The following PCDH15 variants were observed in gnomAD, a reference collection of about 807,000 sequenced individuals.
The protein encoded by PCDH15 is protocadherin related 15.
In PCDH15, 129 loss-of-function variants were observed where a neutral mutation model predicts 178.5. The ratio of observed to expected loss-of-function variants is 0.72; its 90% confidence interval spans 0.63 to 0.84. PCDH15 has a LOEUF of 0.84. PCDH15 is among the 40% of genes least tolerant of loss of function. The pLI is 0.00. For synonymous variants in PCDH15, 800 were observed against 732.0 expected, an observed-to-expected ratio of 1.09 and a Z score of -1.50; for missense variants, 2,230 against 2,099.9, an observed-to-expected ratio of 1.06 and a Z score of -1.21.
intron 2 of PCDH15, among the ~76,000 whole-genome samples, chr10:55,370,254 C>T (rs1845472772): frequency 1.3e-5 from 2 of 151,934 alleles, no homozygotes; most frequent in South Asian, 2.1e-4. Flanking sequence ...TGCACACTGG[C>T]AAAGAAAAAA....
At chr10:55,459,803 T>C (rs1257243232) in intron 2 of PCDH15, among the ~76,000 whole-genome samples, 1 of 152,080 alleles carries the variant, frequency 6.6e-6, no homozygotes, top group Admixed American at 6.6e-5. Context: ...CCTTAGCAGG[T>C]AGAAGGCCAT....
intron 2 of PCDH15, among the ~76,000 whole-genome samples, chr10:55,418,718 A>C (rs1387684311): frequency 6.6e-6 from 1 of 151,864 alleles, no homozygotes; most frequent in Non-Finnish European, 1.5e-5. Context: ...CAATATAAGA[A>C]TTTAATATTA....
chr10:54,521,234 AT>A (rs1233805137), intron 3 of PCDH15, among the ~76,000 whole-genome samples: 1 of 152,090 alleles, frequency 6.6e-6, no homozygotes, highest in Admixed American at 6.6e-5. Context: ...AAAATAGAAA[AT>A]TAATCACTTA....
chr10:54,333,454 A>T (rs564816740), intron 6 of PCDH15, among the ~76,000 whole-genome samples: 2 of 152,146 alleles, frequency 1.3e-5, no homozygotes, highest in South Asian at 4.1e-4. Context: ...TATCTTTGGT[A>T]TCTTTATGAT....
chr10:54,398,459 T>C (rs1270801833), intron 3 of PCDH15, among the ~76,000 whole-genome samples: 1 of 151,958 alleles, frequency 6.6e-6, no homozygotes, highest in East Asian at 1.9e-4. Flanking sequence ...TATAACAAAA[T>C]TGTCCTAACA....
intron 1 of PCDH15, among the ~76,000 whole-genome samples, chr10:55,284,396 G>A (rs188698316): frequency 1.2e-3 from 178 of 152,058 alleles, no homozygotes; most frequent in Middle Eastern, 3.4e-3. Flanking sequence ...ATTCCCCAGT[G>A]TTTTCACAGG....
intron 2 of PCDH15, among the ~76,000 whole-genome samples, chr10:54,589,767 T>C (rs1174832184): frequency 6.6e-6 from 1 of 152,030 alleles, no homozygotes; most frequent in African/African-American, 2.4e-5. Context: ...CCGGCTAATT[T>C]TTCTATTTTT....
At position 54,974,369 on chromosome 10, in the gene PCDH15, A is replaced by C. The variant is rs535858656; in HGVS notation, c.-79-76869T>G. On this transcript the variant is annotated intron_variant, in intron 2 of 5. Coordinates refer to the PCDH15 transcript ENST00000458638. Reference sequence around the variant, plus strand: ...ATATACATGATATATGTATGCATATAATTTAGCATACTATGCTTCACTAAG... The same window carrying C: ...ATATACATGATATATGTATGCATATCATTTAGCATACTATGCTTCACTAAG... 7.9e-5 allele frequency among the ~76,000 whole-genome samples: 12 copies of C among 152,102 alleles called. No homozygotes were observed. In the East Asian group the frequency reaches 2.1e-3, roughly 27 times the overall value.
At chr10:55,078,538 G>T (rs1841965657) in intron 2 of PCDH15, among the ~76,000 whole-genome samples, 1 of 151,720 alleles carries the variant, frequency 6.6e-6, no homozygotes, top group Admixed American at 6.6e-5. Context: ...TTGACTGACT[G>T]GGTTATTTCA....
intron 2 of PCDH15, among the ~76,000 whole-genome samples, chr10:55,478,094 A>G (rs1346548279): frequency 2.0e-5 from 3 of 151,882 alleles, no homozygotes; most frequent in Admixed American, 2.0e-4. Flanking sequence ...GGAAAAGACC[A>G]CAGGTCAATA....
At chr10:54,083,660 C>A (rs1467467788) in intron 16 of PCDH15, among the ~76,000 whole-genome samples, 1 of 152,084 alleles carries the variant, frequency 6.6e-6, no homozygotes, top group Admixed American at 6.6e-5. Context: ...TAAATGGGTT[C>A]AGGTTTCTAT....
chr10:54,948,376 C>A (rs1259099121), intron 2 of PCDH15, among the ~76,000 whole-genome samples: 3 of 151,870 alleles, frequency 2.0e-5, no homozygotes, highest in Admixed American at 1.3e-4. Context: ...TGGATGAGGC[C>A]CACCCACATT....
intron 1 of PCDH15, among the ~76,000 whole-genome samples, chr10:54,744,905 C>T (rs1748923113): frequency 6.6e-6 from 1 of 152,008 alleles, no homozygotes; most frequent in African/African-American, 2.4e-5. Context: ...TCAGCAAAAA[C>T]ATTTTATCTT....
At chr10:55,091,346 A>ATTCTATAG (rs1172543131) in intron 2 of PCDH15, among the ~76,000 whole-genome samples, 3 of 151,970 alleles carry the variant, frequency 2.0e-5, no homozygotes, top group Non-Finnish European at 2.9e-5. Context: ...GAACTATGGC[A>ATTCTATAG]AGTTTTGCAT....
intron 2 of PCDH15, among the ~76,000 whole-genome samples, chr10:55,352,137 T>C (rs1255973834): frequency 6.6e-6 from 1 of 152,164 alleles, no homozygotes; most frequent in Non-Finnish European, 1.5e-5. Flanking sequence ...GTTTTTGCAT[T>C]GTTGAAATTT....
At chr10:55,548,210 GCACA>G (rs200097115) in intron 2 of PCDH15, among the ~76,000 whole-genome samples, 37,075 of 120,390 alleles carry the variant, frequency 0.31, 4,675 homozygotes, top group East Asian at 0.49. Context: ...AATGCCTAAT[GCACA>G]CACACACACA....
At chr10:54,584,522 C>T (rs909370755) in intron 2 of PCDH15, among the ~76,000 whole-genome samples, 2 of 151,884 alleles carry the variant, frequency 1.3e-5, no homozygotes, top group African/African-American at 4.8e-5. Flanking sequence ...TAAAATTATC[C>T]CCTAAATCTA....
At chr10:54,896,263 A>G (rs1228701548) in intron 3 of PCDH15, among the ~76,000 whole-genome samples, 1 of 152,198 alleles carries the variant, frequency 6.6e-6, no homozygotes, top group Non-Finnish European at 1.5e-5. Flanking sequence ...TTATTTTACT[A>G]TAGTCAATTA....
intron 2 of PCDH15, among the ~76,000 whole-genome samples, chr10:55,502,217 C>A (rs1295061363): frequency 6.6e-6 from 1 of 151,624 alleles, no homozygotes; most frequent in Non-Finnish European, 1.5e-5. Context: ...CATTTCCAAT[C>A]TCTTTCTGTC....
Sources: allele counts gnomAD v4.1 joint callset (sites outside exome capture counted in the v4.1 genomes callset), GRCh38; gene constraint gnomAD v4.1.1; transcripts MANE v1.5; gene names NCBI Gene and HGNC (gene_info 2026-07-23, HGNC 2026-07-21).